Variants in NEK10 observed in about 807,000 individuals in gnomAD.
The protein encoded by NEK10 is NIMA related kinase 10, also known as serine/threonine-protein kinase Nek10.
Under a neutral mutation model 159.8 loss-of-function variants are expected in NEK10, and 122 were observed. The ratio of observed to expected loss-of-function variants is 0.76; its 90% CI spans 0.66 to 0.89. The LOEUF is 0.89. Ranked by LOEUF, NEK10 falls within the 40% of genes least tolerant of loss-of-function variation. The pLI is 0.00. For missense variants in NEK10, 1,342 were observed against 1,323.1 expected, an observed-to-expected ratio of 1.01 and a Z score of -0.22; for synonymous variants, 466 against 457.1, an observed-to-expected ratio of 1.02 and a Z score of -0.25.
intron 5 of NEK10, among the ~76,000 whole-genome samples, chr3:27,341,309 TAAC>T (rs2047187916): frequency 1.3e-5 from 2 of 152,114 alleles, no homozygotes; most frequent in Admixed American, 1.3e-4. Context: ...TGACTATAGT[TAAC>T]AACAATGTAT....
At chr3:27,176,353 T>A (rs968052326) in intron 26 of NEK10, among the ~76,000 whole-genome samples, 2 of 152,218 alleles carry the variant, frequency 1.3e-5, no homozygotes, top group Non-Finnish European at 1.5e-5. Flanking sequence ...CTCTGAGTTG[T>A]TAATTTCTGC....
intron 23 of NEK10, among the ~76,000 whole-genome samples, chr3:27,245,810 C>T (rs1955002450): frequency 6.6e-6 from 1 of 152,012 alleles, no homozygotes; most frequent in Admixed American, 6.6e-5. Context: ...TTCTTTTGAC[C>T]ACACCCCTCC....
chr3:27,287,659 G>T, intron 20 of NEK10, 39 bp downstream of exon 20: 1 of 1,544,946 alleles, frequency 6.5e-7, no homozygotes, highest in Non-Finnish European at 8.7e-7. Flanking sequence ...TGACAAAAAT[G>T]TTTCCTTATT....
intron 22 of NEK10, among the ~76,000 whole-genome samples, chr3:27,260,715 C>T (rs1022378683): frequency 2.6e-5 from 4 of 152,168 alleles, no homozygotes; most frequent in African/African-American, 9.7e-5. Flanking sequence ...GCTTTGGTAT[C>T]AGGATGATGC....
intron 26 of NEK10, among the ~76,000 whole-genome samples, chr3:27,175,107 G>A (rs184964649): frequency 5.3e-5 from 8 of 152,244 alleles, no homozygotes; most frequent in African/African-American, 1.7e-4. Flanking sequence ...GTAGCGGGGG[G>A]AAATATGTAC....
chr3:27,280,886 GTA>G (rs1234237485), intron 22 of NEK10, among the ~76,000 whole-genome samples: 1 of 146,914 alleles, frequency 6.8e-6, no homozygotes, highest in Non-Finnish European at 1.5e-5. Context: ...ATGTGTGTGT[GTA>G]TATGTGTGTG....
At chr3:27,345,315 AT>A in intron 4 of NEK10, among the ~76,000 whole-genome samples, 1 of 152,244 alleles carries the variant, frequency 6.6e-6, no homozygotes, top group East Asian at 1.9e-4. Context: ...CTATATGACA[AT>A]TTTTTAAGTA....
intron 25 of NEK10, among the ~76,000 whole-genome samples, chr3:27,198,958 A>G (rs1391029772): frequency 6.6e-6 from 1 of 151,822 alleles, no homozygotes; most frequent in Non-Finnish European, 1.5e-5. Context: ...CTACAGTCCC[A>G]GCTACTCAGG....
intron 32 of NEK10, among the ~76,000 whole-genome samples, chr3:27,130,663 A>G (rs1306808704): frequency 6.6e-6 from 1 of 152,228 alleles, no homozygotes; most frequent in Admixed American, 6.5e-5. Context: ...TAATAAGAAT[A>G]TAAAATAAGA....
intron 22 of NEK10, among the ~76,000 whole-genome samples, chr3:27,258,055 C>T (rs1956398332): frequency 6.6e-6 from 1 of 151,916 alleles, no homozygotes; most frequent in South Asian, 2.1e-4. Flanking sequence ...CTCAGCCTCC[C>T]AAAGTGCTGG....
chr3:27,230,738 C>A (rs1468419571), intron 23 of NEK10, among the ~76,000 whole-genome samples: 1 of 151,866 alleles, frequency 6.6e-6, no homozygotes, highest in East Asian at 1.9e-4. Flanking sequence ...TGAGACAAAA[C>A]AGACTTTAAA....
intron 23 of NEK10, chr3:27,214,983 G>C (rs1214335671): frequency 1.4e-6 from 1 of 699,726 alleles, no homozygotes; most frequent in Admixed American, 1.9e-5. Flanking sequence ...CATCCGCCAG[G>C]CACCGGTCCC....
chr3:27,233,240 T>C (rs573030959), intron 23 of NEK10, among the ~76,000 whole-genome samples: 3 of 151,994 alleles, frequency 2.0e-5, no homozygotes, highest in Middle Eastern at 3.4e-3. Flanking sequence ...AGCACATGAA[T>C]AGACAGTTCT....
At chr3:27,176,439 T>C (rs1169910327) in intron 26 of NEK10, among the ~76,000 whole-genome samples, 1 of 152,218 alleles carries the variant, frequency 6.6e-6, no homozygotes, top group Admixed American at 6.5e-5. Context: ...GCAAAAGATA[T>C]ATGCTACTCA....
At chr3:27,202,075 C>T (rs11916263) in intron 24 of NEK10, among the ~76,000 whole-genome samples, 35,686 of 151,934 alleles carry the variant, frequency 0.23, 4,531 homozygotes, top group Middle Eastern at 0.38. Context: ...TGCTTGAGCC[C>T]AGGAGGCGGA....
chr3:27,169,193 T>C (rs1575086312), intron 29 of NEK10, among the ~76,000 whole-genome samples: 2 of 152,324 alleles, frequency 1.3e-5, no homozygotes, highest in Middle Eastern at 3.4e-3. Context: ...ACATCATATA[T>C]CATAATTTAC....
At chr3:27,162,412 G>T in intron 30 of NEK10, 1 of 1,597,526 alleles carries the variant, frequency 6.3e-7, no homozygotes, top group East Asian at 2.2e-5. Context: ...CTATAATTCT[G>T]CATTTGCCCA....
At chr3:27,274,517 A>G (rs2041618544) in intron 22 of NEK10, among the ~76,000 whole-genome samples, 1 of 152,074 alleles carries the variant, frequency 6.6e-6, no homozygotes, top group Non-Finnish European at 1.5e-5. Context: ...GTTTCTGGTT[A>G]TTCAGTTGGA....
intron 25 of NEK10, among the ~76,000 whole-genome samples, chr3:27,197,704 T>C (rs1043437482): frequency 2.6e-5 from 4 of 152,194 alleles, no homozygotes; most frequent in African/African-American, 9.7e-5. Context: ...CAGGATAATG[T>C]CATCTGCAAA....
Sources: gnomAD v4.1 joint callset for allele counts (sites outside exome capture counted in the v4.1 genomes callset) on GRCh38, gnomAD v4.1.1 for gene constraint, MANE v1.5 for transcripts, NCBI Gene and HGNC (gene_info 2026-07-23, HGNC 2026-07-21) for gene names.